RBFOX3: variants seen among roughly 807,000 people sequenced by gnomAD.
The protein encoded by RBFOX3 is RNA binding fox-1 homolog 3.
Under a neutral mutation model 48.7 loss-of-function variants are expected in RBFOX3, and 17 were observed. The ratio of observed to expected loss-of-function variants is 0.35; its 90% confidence interval spans 0.24 to 0.52. RBFOX3 has a LOEUF of 0.52. Among genes scored for constraint, RBFOX3 ranks in the 20% least tolerant of loss-of-function variants. RBFOX3 has a pLI of 0.94. For synonymous variants in RBFOX3, 212 were observed against 209.5 expected, an observed-to-expected ratio of 1.01 and a Z score of -0.10; for missense variants, 382 against 497.5, an observed-to-expected ratio of 0.77 and a Z score of 2.21.
chr17:79,574,975 G>A (rs2144652846), intron 1 of RBFOX3, among the ~76,000 whole-genome samples: 1 of 152,336 alleles, frequency 6.6e-6, no homozygotes, highest in East Asian at 1.9e-4. Context: ...TGCCGCTGCT[G>A]GTCCAAGGAT....
intron 3 of RBFOX3, among the ~76,000 whole-genome samples, chr17:79,304,281 T>C (rs1257079575): frequency 6.6e-6 from 1 of 151,982 alleles, no homozygotes; most frequent in Non-Finnish European, 1.5e-5. Flanking sequence ...CCTATAAATA[T>C]GTTCCTGAGA....
At chr17:79,310,920 C>T (rs1488046416) in intron 2 of RBFOX3, among the ~76,000 whole-genome samples, 4 of 152,116 alleles carry the variant, frequency 2.6e-5, no homozygotes, top group Admixed American at 1.3e-4. Flanking sequence ...GCCAGGCTCT[C>T]GTCCCCTGGG....
At chr17:79,276,091 GACGGT>G (rs761569831) in intron 3 of RBFOX3, among the ~76,000 whole-genome samples, 120 of 152,300 alleles carry the variant, frequency 7.9e-4, no homozygotes, top group East Asian at 7.7e-4. Context: ...GAACCCTGAA[GACGGT>G]ACGCTCAGAG....
rs934065102 is a variant in RBFOX3 at position 79,391,853 on chromosome 17, G to A, written c.-174-84029C>T. Among the ~76,000 whole-genome samples, 2 of 150,764 alleles carry A rather than the reference G, an allele frequency of 1.3e-5. No individual in the cohort carries two copies. The highest frequency in any genetic ancestry group is 3.0e-5 in the Non-Finnish European group (2 of 67,588). On this transcript the variant is annotated intron_variant, in intron 2 of 14. Transcript: ENST00000693108. The surrounding 1 kb of genome is among the most constrained non-coding windows in gnomAD (Gnocchi z 5.0). ...ACCCCCGCTCTGATCCTCGGTTTCCGAATCTGTTAAAAAAAAAAGGCTCCA... is the reference window on the plus strand; with the variant it reads ...ACCCCCGCTCTGATCCTCGGTTTCCAAATCTGTTAAAAAAAAAAGGCTCCA...
At chr17:79,531,419 G>A (rs951168334) in intron 1 of RBFOX3, among the ~76,000 whole-genome samples, 6 of 152,200 alleles carry the variant, frequency 3.9e-5, no homozygotes, top group African/African-American at 1.2e-4. Context: ...CATCTGAGGC[G>A]GCTTCACTTT....
chr17:79,489,092 G>A (rs972709535), intron 1 of RBFOX3, among the ~76,000 whole-genome samples: 1 of 152,106 alleles, frequency 6.6e-6, no homozygotes, highest in Non-Finnish European at 1.5e-5. Context: ...TTGGCTTCCT[G>A]GAGGGACTCA....
At chr17:79,160,848 C>T (rs758009712) in intron 4 of RBFOX3, among the ~76,000 whole-genome samples, 4 of 151,924 alleles carry the variant, frequency 2.6e-5, no homozygotes, top group African/African-American at 4.8e-5. Flanking sequence ...GGCATGGTGA[C>T]GCACACCTGT....
intron 2 of RBFOX3, among the ~76,000 whole-genome samples, chr17:79,348,147 T>C (rs2083218265): frequency 6.6e-6 from 1 of 152,194 alleles, no homozygotes; most frequent in South Asian, 2.1e-4. Context: ...TGCAGTCTCC[T>C]GGTCGTCTGC....
chr17:79,140,437 C>T (rs1474909716), intron 4 of RBFOX3, among the ~76,000 whole-genome samples: 2 of 152,266 alleles, frequency 1.3e-5, no homozygotes, highest in African/African-American at 4.8e-5. Context: ...ACACACCTGT[C>T]TCCAGGTGCA....
chr17:79,107,009 G>C (rs1347646124), intron 5 of RBFOX3, among the ~76,000 whole-genome samples: 1 of 152,130 alleles, frequency 6.6e-6, no homozygotes, highest in South Asian at 2.1e-4. Context: ...CTAGGCCTTC[G>C]CCCAAACTGT....
intron 4 of RBFOX3, among the ~76,000 whole-genome samples, chr17:79,231,120 G>T (rs1482082799): frequency 6.6e-6 from 1 of 152,182 alleles, no homozygotes; most frequent in Non-Finnish European, 1.5e-5. Context: ...TACTCCCTGA[G>T]TTGAGGAGAC....
chr17:79,129,141 A>T (rs1106743), intron 4 of RBFOX3, among the ~76,000 whole-genome samples: 4 of 151,990 alleles, frequency 2.6e-5, no homozygotes, highest in Admixed American at 6.6e-5. Context: ...GCTGCTGCTG[A>T]TGATGATAAT....
intron 2 of RBFOX3, among the ~76,000 whole-genome samples, chr17:79,402,698 G>A (rs900440504): frequency 2.6e-5 from 4 of 152,226 alleles, no homozygotes; most frequent in Non-Finnish European, 5.9e-5. Flanking sequence ...GAGGCTGGAC[G>A]ATGGGAGGAC....
At chr17:79,100,838 C>T (rs978984925) in intron 9 of RBFOX3, among the ~76,000 whole-genome samples, 19 of 152,170 alleles carry the variant, frequency 1.2e-4, no homozygotes, top group African/African-American at 3.1e-4. Context: ...CACTTAGCGT[C>T]GGCAGATCCA....
chr17:79,353,942 A>G (rs2084458987), intron 2 of RBFOX3, among the ~76,000 whole-genome samples: 1 of 152,118 alleles, frequency 6.6e-6, no homozygotes, highest in East Asian at 1.9e-4. Context: ...AGTCCTCTGC[A>G]TCTCTCTCAG....
intron 1 of RBFOX3, among the ~76,000 whole-genome samples, chr17:79,569,083 AG>A (rs2092572043): frequency 6.7e-6 from 1 of 149,072 alleles, no homozygotes; most frequent in Non-Finnish European, 1.5e-5. Flanking sequence ...ATCTATAGCA[AG>A]AAAAAAAAAA....
At position 79,481,043 on chromosome 17, in the gene RBFOX3, G is replaced by C. The variant is rs2149480912; in HGVS notation, c.-175+1411C>G. 6.6e-6 allele frequency among the ~76,000 whole-genome samples: 1 copy of C among 152,310 alleles called. No individual in the cohort carries two copies. The highest frequency in any genetic ancestry group is 2.1e-4 in the South Asian group (1 of 4,818). ...GAAGACCCCAAGGAGCCCTGGAGCA[G>C]AGAAGAGCACCCATGGCCTTCACCA... On this transcript the variant is annotated intron_variant, in intron 2 of 14. Coordinates refer to ENST00000693108, the MANE Select transcript of RBFOX3 (RefSeq NM_001350451.2). The surrounding 1 kb of genome is among the most constrained non-coding windows in gnomAD (Gnocchi z 5.4).
chr17:79,119,650 C>G (rs926086035), intron 4 of RBFOX3, among the ~76,000 whole-genome samples: 6 of 152,172 alleles, frequency 3.9e-5, no homozygotes, highest in Non-Finnish European at 7.3e-5. Context: ...ACAGGTTTCT[C>G]CATCCGCAAA....
At chr17:79,186,831 C>T (rs1599870863) in intron 4 of RBFOX3, among the ~76,000 whole-genome samples, 2 of 152,342 alleles carry the variant, frequency 1.3e-5, no homozygotes, top group Non-Finnish European at 2.9e-5. Flanking sequence ...TCCGATGGTT[C>T]CAAGGCTTTG....
Sources: gnomAD v4.1 joint callset for allele counts (sites outside exome capture counted in the v4.1 genomes callset) on GRCh38, gnomAD v4.1.1 for gene constraint, Gnocchi (gnomAD v3.1) non-coding constraint, MANE v1.5 for transcripts, NCBI Gene and HGNC (gene_info 2026-07-23, HGNC 2026-07-21) for gene names.